SH3TC2: variants seen among roughly 807,000 people sequenced by gnomAD.
SH3TC2 encodes SH3 domain and tetratricopeptide repeat-containing protein 2.
Under a neutral mutation model 124.5 loss-of-function variants are expected in SH3TC2, and 87 were observed. That is an observed-to-expected ratio of 0.70 (90% confidence interval 0.59 to 0.84). The LOEUF (loss-of-function observed/expected upper bound fraction) is 0.84. Ranked by LOEUF, SH3TC2 falls within the 40% of genes least tolerant of loss-of-function variation. SH3TC2 has a pLI of 0.00. For synonymous variants in SH3TC2, 634 were observed against 628.5 expected (o/e 1.01, Z -0.13); for missense variants, 1,536 against 1,566.4 (o/e 0.98, Z 0.33).
At chr5:149,052,324 G>A (rs568080585) in intron 1 of SH3TC2, 84 bp from the exon 2 acceptor site, 6 of 1,058,536 alleles carry the variant, frequency 5.7e-6, no homozygotes, top group South Asian at 2.5e-5. Flanking sequence ...TTTTGGTCAA[G>A]TGACAAATTT....
chr5:149,031,126 G>A (rs1354783735), intron 9 of SH3TC2, among the ~76,000 whole-genome samples: 1 of 152,142 alleles, frequency 6.6e-6, no homozygotes, highest in Non-Finnish European at 1.5e-5. Context: ...AATTCGTTTA[G>A]GCCTGTTTCC....
At position 149,045,803 on chromosome 5, in the gene SH3TC2, C is replaced by A; in HGVS notation, c.280-1165G>T. Reference sequence around the variant, plus strand: ...CTGGGACTACAGGCACCTGCCACCACGCTTGGCTAATTTTTTGTATTTTAG... The same window carrying A: ...CTGGGACTACAGGCACCTGCCACCAAGCTTGGCTAATTTTTTGTATTTTAG... On this transcript the variant is annotated intron_variant, in intron 3 of 16. Coordinates refer to ENST00000515425, the MANE Select transcript of SH3TC2 (RefSeq NM_024577.4). 3.5e-5 allele frequency: 7 copies of A among 202,548 alleles called. No homozygotes were observed. The South Asian group carries it at 4.1e-4, about 12-fold the overall frequency. The allele number at this position is 202,548 out of a possible 1,614,324, so 12.5% of individuals were successfully genotyped here.
At chr5:149,041,204 T>C (rs914576954) in intron 6 of SH3TC2, among the ~76,000 whole-genome samples, 1 of 152,220 alleles carries the variant, frequency 6.6e-6, no homozygotes, top group African/African-American at 2.4e-5. Context: ...ACAATGCCCA[T>C]CTGAAATTTA....
rs1390168719 is a variant in SH3TC2 at position 148,986,637 on chromosome 5, A to T, written c.*18074T>A. On this transcript the variant is annotated 3_prime_UTR_variant, in exon 17 of 17. Coordinates refer to ENST00000515425, the MANE Select transcript of SH3TC2 (RefSeq NM_024577.4). ...TGAACTTCAATTAGATTATTCATAC[A>T]CAACAGGTTTGAGTACATGACAGAT... Among the ~76,000 whole-genome samples the T allele has an allele frequency of 6.6e-6, 1 of 152,236 alleles. No homozygotes were observed. Among genetic ancestry groups the T allele is most frequent in the Non-Finnish European group, 1.5e-5 (1 of 68,048 alleles).
intron 8 of SH3TC2, among the ~76,000 whole-genome samples, chr5:149,033,990 C>T (rs561425772): frequency 6.6e-6 from 1 of 152,154 alleles, no homozygotes; most frequent in South Asian, 2.1e-4. Flanking sequence ...ATAAAATGAA[C>T]TATTCACAAC....
At position 149,003,963 on chromosome 5, in the gene SH3TC2, G is replaced by T; in HGVS notation, c.*748C>A. 1 of 268,708 alleles carries T rather than the reference G, an allele frequency of 3.7e-6. No individual in the cohort carries two copies. The highest frequency in any genetic ancestry group is 3.4e-5 in the South Asian group (1 of 29,722). 16.6% of individuals were successfully genotyped at this position (268,708 alleles called of 1,614,324 possible). ...ACAAAATGTGTGTGTAAATGTAACTGGACAATATTTAATCATATACACTAT... is the reference window on the plus strand; with the variant it reads ...ACAAAATGTGTGTGTAAATGTAACTTGACAATATTTAATCATATACACTAT... On this transcript the variant is annotated 3_prime_UTR_variant, in exon 17 of 17. Transcript: ENST00000515425.
rs139681396 is a variant in SH3TC2 at position 149,006,183 on chromosome 5, C to T, written c.3675+698G>A. The T allele has an allele frequency of 4.5e-3, 699 of 154,156 alleles. 3 individuals are homozygous for T. The highest frequency in any genetic ancestry group is 0.017 in the Middle Eastern group (5 of 294). 9.5% of individuals were successfully genotyped at this position (154,156 alleles called of 1,614,324 possible). On this transcript the variant is annotated intron_variant, in intron 16 of 16. Coordinates refer to ENST00000515425, the MANE Select transcript of SH3TC2 (RefSeq NM_024577.4). ...CTGAAGTAGAAGGATTGCTTGAGCC[C>T]CAGATGCAGAGGCTGTAGTGAGCCA...
chr5:149,044,641 A>G lies in SH3TC2; in HGVS notation c.280-3T>C, dbSNP rs1471338058. ...CTGACCAACCTTGCTGAGAGGTCCT[A>G]CGTAAAGGAAACAATGAGTCAGCCT... On this transcript the variant is annotated splice_polypyrimidine_tract_variant and splice_region_variant and intron_variant, in intron 3 of 16. Transcript: ENST00000515425. 49 of 1,612,100 alleles carry G rather than the reference A, an allele frequency of 3.0e-5. No individual in the cohort carries two copies. The Admixed American group carries it at 7.8e-4, about 26-fold the overall frequency.
intron 9 of SH3TC2, among the ~76,000 whole-genome samples, chr5:149,029,876 C>T (rs904028756): frequency 2.0e-5 from 3 of 152,244 alleles, no homozygotes; most frequent in Middle Eastern, 6.8e-3. Flanking sequence ...GAAGATTCTA[C>T]CTCTTCTTAG....
chr5:149,054,274 A>G (rs1219509441), intron 1 of SH3TC2, among the ~76,000 whole-genome samples: 8 of 152,094 alleles, frequency 5.3e-5, no homozygotes, highest in Admixed American at 3.3e-4. Flanking sequence ...ACAGCCATAG[A>G]TTTTTTTTAA....
At chr5:149,051,819 T>C (rs535771905) in intron 2 of SH3TC2, among the ~76,000 whole-genome samples, 1 of 152,202 alleles carries the variant, frequency 6.6e-6, no homozygotes, top group African/African-American at 2.4e-5. Flanking sequence ...TGAGGTACCA[T>C]GTTGAATATA....
intron 13 of SH3TC2, among the ~76,000 whole-genome samples, chr5:149,011,739 C>T (rs1451639096): frequency 6.6e-6 from 1 of 151,750 alleles, no homozygotes; most frequent in Non-Finnish European, 1.5e-5. Context: ...AGTTTATGTG[C>T]TAGTATAAGG....
rs529868327 is a variant in SH3TC2, at chr5:148,999,434, C to A, written c.*5277G>T. 9.0e-4 allele frequency among the ~76,000 whole-genome samples: 137 copies of A among 152,274 alleles called. No homozygotes were observed. The highest frequency in any genetic ancestry group is 3.2e-3 in the African/African-American group (132 of 41,548). ...CAACTCCAAAACACATTACATTGCC[C>A]CCACCTGAGCTGCCACCTGAGTGAG... On this transcript the variant is annotated 3_prime_UTR_variant, in exon 17 of 17. Transcript: ENST00000515425.
At chr5:149,013,009 A>G (rs1247699682) in intron 12 of SH3TC2, among the ~76,000 whole-genome samples, 3 of 152,184 alleles carry the variant, frequency 2.0e-5, no homozygotes, top group Non-Finnish European at 4.4e-5. Flanking sequence ...AGATACAACT[A>G]AGTGCTTAGA....
chr5:148,999,953 C>G lies in SH3TC2; in HGVS notation c.*4758G>C, dbSNP rs776855848. Among the ~76,000 whole-genome samples the G allele has an allele frequency of 6.6e-6, 1 of 152,140 alleles. No homozygotes were observed. Among genetic ancestry groups the G allele is most frequent in the African/African-American group, 2.4e-5 (1 of 41,426 alleles). ...CATCACCCCCTGTCCACCCTCTGGA[C>G]CTTTGCTTGACACATGCACTGTCTG... is the stretch of plus-strand genomic sequence containing the variant. On this transcript the variant is annotated 3_prime_UTR_variant, in exon 17 of 17. Coordinates refer to ENST00000515425, the MANE Select transcript of SH3TC2 (RefSeq NM_024577.4).
chr5:149,044,294 A>T (rs1358357432), intron 4 of SH3TC2: 1 of 461,198 alleles, frequency 2.2e-6, no homozygotes, highest in Non-Finnish European at 4.0e-6. Flanking sequence ...TTATCTAATA[A>T]AAAAAGATCT....
chr5:149,027,508 G>A lies in SH3TC2; in HGVS notation c.2224C>T (p.Gln742Ter), dbSNP rs747453062. 1.9e-6 allele frequency: 3 copies of A among 1,614,226 alleles called. No homozygotes were observed. The highest frequency in any genetic ancestry group is 1.1e-5 in the South Asian group (1 of 91,090). ...AGTTCCTCACAGGCAGCCAGGGCCT[G>A]TCTGAGCATTGGGCAGGCCAAGGCA... Reference protein sequence around the residue: ...VSALACPMLRQALAACEELAD... With the variant: ...VSALACPMLR The change falls in exon 11 of 17, where the codon CAG becomes TAG. Residue 742 changes from glutamine (Q) to a stop codon, truncating the protein, a stop_gained. Coordinates refer to ENST00000515425, the MANE Select transcript of SH3TC2 (RefSeq NM_024577.4). LOFTEE classifies it high-confidence loss of function.
intron 8 of SH3TC2, chr5:149,035,464 G>C (rs1271240206): frequency 6.5e-6 from 1 of 152,830 alleles, no homozygotes; most frequent in African/African-American, 2.4e-5. Flanking sequence ...ACATAGACAA[G>C]AGTGACACCC....
intron 16 of SH3TC2, 76 bp downstream of exon 16, chr5:149,006,805 T>G (rs1353043165): frequency 1.4e-6 from 2 of 1,439,702 alleles, no homozygotes; most frequent in African/African-American, 2.8e-5. Flanking sequence ...CCACAAAGGC[T>G]CCTCATTGTC....
Sources: gnomAD v4.1 joint callset for allele counts (sites outside exome capture counted in the v4.1 genomes callset) on GRCh38, gnomAD v4.1.1 for gene constraint, MANE v1.5 for transcripts, NCBI Gene and HGNC (gene_info 2026-07-23, HGNC 2026-07-21) for gene names.